NMNAT3: variants seen among roughly 807,000 people sequenced by gnomAD.
NMNAT3 encodes nicotinamide nucleotide adenylyltransferase 3, also known as nicotinamide/nicotinic acid mononucleotide adenylyltransferase 3.
Under a neutral mutation model 24.8 loss-of-function variants are expected in NMNAT3, and 21 were observed. The observed-to-expected ratio is 0.85, with a 90% CI of 0.60 to 1.22. NMNAT3 has a LOEUF of 1.22. Ranked by LOEUF, NMNAT3 falls within the 50% of genes most tolerant of loss-of-function variation. NMNAT3 has a pLI of 0.00. For synonymous variants in NMNAT3, 136 were observed against 155.2 expected (o/e 0.88, Z 0.92); for missense variants, 387 against 436.6 (o/e 0.89, Z 1.01).
chr3:139,660,561 T>G (rs1400074148), intron 1 of NMNAT3, among the ~76,000 whole-genome samples: 2 of 152,170 alleles, frequency 1.3e-5, no homozygotes, highest in East Asian at 3.8e-4. Context: ...GTTCAAAGGC[T>G]TATAGGAAAG....
chr3:139,561,357 C>T lies in NMNAT3; in HGVS notation c.694G>A (p.Val232Ile), dbSNP rs747730984. The T allele has an allele frequency of 1.1e-5, 18 of 1,613,818 alleles. No homozygotes were observed. The highest frequency in any genetic ancestry group is 3.3e-5 in the Admixed American group (2 of 59,986). Residue 232 changes from valine to isoleucine, a missense_variant, in exon 7 of 7, where the codon GTC becomes ATC. Val to Ile is a conservative substitution (Grantham distance 29). Transcript: ENST00000643695. ...TTGGGGGTCTGGAAGGTCTTCAAGACGTCTGCCCCACAGAGAAGCTTCAGC... is the reference window on the plus strand; with the variant it reads ...TTGGGGGTCTGGAAGGTCTTCAAGATGTCTGCCCCACAGAGAAGCTTCAGC...
chr3:139,671,583 G>T (rs2057757399), intron 1 of NMNAT3, among the ~76,000 whole-genome samples: 1 of 151,502 alleles, frequency 6.6e-6, no homozygotes, highest in Admixed American at 6.6e-5. Flanking sequence ...AACACAACAT[G>T]AGTAACAGAC....
At chr3:139,574,177 C>T (rs1420281996) in intron 5 of NMNAT3, among the ~76,000 whole-genome samples, 2 of 152,234 alleles carry the variant, frequency 1.3e-5, no homozygotes, top group Non-Finnish European at 2.9e-5. Context: ...GCTGCCTGCT[C>T]TCATTAGAAA....
In NMNAT3 at chr3:139,662,460, T is replaced by C. The variant is rs186588815; in HGVS notation, c.-141+15245A>G. Reference sequence around the variant, plus strand: ...CTGGCCCATAGTAAGCTCATAAAAGTGCAGCTGCTAACACTGGGAGTAGCA... The same window carrying C: ...CTGGCCCATAGTAAGCTCATAAAAGCGCAGCTGCTAACACTGGGAGTAGCA... On this transcript the variant is annotated intron_variant, in intron 1 of 6. Coordinates refer to ENST00000643695, the MANE Select transcript of NMNAT3 (RefSeq NM_001320510.2). Among the ~76,000 whole-genome samples, 9 of 152,186 alleles carry C rather than the reference T, an allele frequency of 5.9e-5. No homozygotes were observed. In the East Asian group the frequency reaches 1.7e-3, roughly 29 times the overall value.
intron 1 of NMNAT3, among the ~76,000 whole-genome samples, chr3:139,640,041 C>G (rs1029326042): frequency 1.3e-5 from 2 of 152,230 alleles, no homozygotes; most frequent in African/African-American, 4.8e-5. Flanking sequence ...GAAACAGAAT[C>G]AGAAGAACCC....
intron 1 of NMNAT3, among the ~76,000 whole-genome samples, chr3:139,653,885 T>C (rs1157692288): frequency 1.3e-5 from 2 of 152,142 alleles, no homozygotes; most frequent in Non-Finnish European, 2.9e-5. Flanking sequence ...ACCAGAGACA[T>C]TTTCTAGTTT....
chr3:139,590,792 T>C (rs1330097169), intron 3 of NMNAT3, among the ~76,000 whole-genome samples: 1 of 152,222 alleles, frequency 6.6e-6, no homozygotes, highest in Non-Finnish European at 1.5e-5. Context: ...GTTCATTTTG[T>C]ATTTTTTTAT....
At chr3:139,606,883 G>A (rs1176795385) in intron 3 of NMNAT3, among the ~76,000 whole-genome samples, 2 of 152,040 alleles carry the variant, frequency 1.3e-5, no homozygotes, top group Admixed American at 6.5e-5. Flanking sequence ...CCCAATGAAA[G>A]CTCCTTTAAG....
intron 6 of NMNAT3, chr3:139,572,140 G>T (rs989127769): frequency 5.0e-6 from 2 of 398,594 alleles, no homozygotes; most frequent in African/African-American, 4.1e-5. Flanking sequence ...CTTGAGGTGG[G>T]GGCTGGGGCT....
chr3:139,617,324 A>G (rs1395880807), intron 3 of NMNAT3, among the ~76,000 whole-genome samples: 3 of 152,216 alleles, frequency 2.0e-5, no homozygotes, highest in Non-Finnish European at 4.4e-5. Flanking sequence ...TGGACACGCA[A>G]TAAAAGATAA....
intron 1 of NMNAT3, among the ~76,000 whole-genome samples, chr3:139,662,248 A>G (rs2057439509): frequency 6.6e-6 from 1 of 152,106 alleles, no homozygotes; most frequent in Non-Finnish European, 1.5e-5. Flanking sequence ...GCTTTGTCTA[A>G]GAGGCTGGAT....
chr3:139,599,852 A>G (rs1455294565), intron 3 of NMNAT3, among the ~76,000 whole-genome samples: 1 of 152,116 alleles, frequency 6.6e-6, no homozygotes, highest in Non-Finnish European at 1.5e-5. Flanking sequence ...GTGCCCATCA[A>G]TTTCAAAGGC....
chr3:139,578,362 T>C (rs1157818797), intron 5 of NMNAT3, among the ~76,000 whole-genome samples: 2 of 152,254 alleles, frequency 1.3e-5, no homozygotes, highest in African/African-American at 4.8e-5. Context: ...AACCCAGGAA[T>C]TGTACAATTA....
At chr3:139,629,354 T>C (rs1285723201) in intron 2 of NMNAT3, among the ~76,000 whole-genome samples, 1 of 152,222 alleles carries the variant, frequency 6.6e-6, no homozygotes, top group Non-Finnish European at 1.5e-5. Flanking sequence ...CAGATGTGAT[T>C]GCAGCCCTGC....
chr3:139,573,508 C>T (rs1938768262), intron 6 of NMNAT3, 90 bp downstream of exon 6: 1 of 606,126 alleles, frequency 1.6e-6, no homozygotes, highest in Non-Finnish European at 2.7e-6. Flanking sequence ...GGACTCAAGT[C>T]CTCTGCAGCT....
At chr3:139,614,378 T>C (rs1034668827) in intron 3 of NMNAT3, among the ~76,000 whole-genome samples, 1 of 152,208 alleles carries the variant, frequency 6.6e-6, no homozygotes, top group Non-Finnish European at 1.5e-5. Flanking sequence ...TCTCACCAAA[T>C]CTGTGTTTGG....
intron 1 of NMNAT3, among the ~76,000 whole-genome samples, chr3:139,650,648 C>A (rs1476722954): frequency 6.6e-6 from 1 of 152,166 alleles, no homozygotes; most frequent in East Asian, 1.9e-4. Flanking sequence ...GCTGTGGAGA[C>A]TTTTAGGTTT....
chr3:139,665,779 C>A (rs2057561499), intron 1 of NMNAT3, among the ~76,000 whole-genome samples: 1 of 146,654 alleles, frequency 6.8e-6, no homozygotes, highest in Admixed American at 6.8e-5. Flanking sequence ...ATTGATAAGT[C>A]ATCTCCAGAA....
At position 139,638,237 on chromosome 3, in the gene NMNAT3, T is replaced by C. The variant is rs1270380122; in HGVS notation, c.-140-175A>G. ...AGTTCCCTTCCAAACTTAAATTTTG[T>C]TTTAACCCCATAAGTTGTATCTGCT... On this transcript the variant is annotated intron_variant, in intron 1 of 6. Coordinates refer to ENST00000643695, the MANE Select transcript of NMNAT3 (RefSeq NM_001320510.2). 2.6e-5 allele frequency among the ~76,000 whole-genome samples: 4 copies of C among 152,180 alleles called. No individual in the cohort carries two copies. The East Asian group carries it at 7.7e-4, about 29-fold the overall frequency.
Sources: gnomAD v4.1 joint callset for allele counts (sites outside exome capture counted in the v4.1 genomes callset) on GRCh38, gnomAD v4.1.1 for gene constraint, MANE v1.5 for transcripts, NCBI Gene and HGNC (gene_info 2026-07-23, HGNC 2026-07-21) for gene names.